The following MGAT4C variants were observed in gnomAD, a reference collection of about 807,000 sequenced individuals.
MGAT4C encodes MGAT4 family member C, also known as alpha-1,3-mannosyl-glycoprotein 4-beta-N-acetylglucosaminyltransferase C.
In MGAT4C, 19 loss-of-function variants were observed where a neutral mutation model predicts 40.1. That is an observed-to-expected ratio of 0.47 (90% confidence interval 0.33 to 0.70). The LOEUF (loss-of-function observed/expected upper bound fraction) is 0.70, where lower values mean the gene tolerates loss of function less well. Ranked by LOEUF, MGAT4C falls within the 30% of genes least tolerant of loss-of-function variation. The pLI is 0.02. For missense variants in MGAT4C, 491 were observed against 563.2 expected, an observed-to-expected ratio of 0.87 and a Z score of 1.30; for synonymous variants, 181 against 187.1, an observed-to-expected ratio of 0.97 and a Z score of 0.27.
At chr12:86,111,823 G>C (rs1220240154) in intron 1 of MGAT4C, among the ~76,000 whole-genome samples, 1 of 151,712 alleles carries the variant, frequency 6.6e-6, no homozygotes, top group Non-Finnish European at 1.5e-5. Context: ...TTCAATAAAA[G>C]ACAACCACAA....
At chr12:86,624,057 C>A (rs200340813) in intron 2 of MGAT4C, among the ~76,000 whole-genome samples, 1 of 152,134 alleles carries the variant, frequency 6.6e-6, no homozygotes, top group East Asian at 1.9e-4. Context: ...TCAGAGCTCA[C>A]TCAGGGTAAA....
intron 2 of MGAT4C, among the ~76,000 whole-genome samples, chr12:86,021,708 T>C (rs1034741765): frequency 2.0e-5 from 3 of 152,114 alleles, no homozygotes; most frequent in African/African-American, 7.2e-5. Flanking sequence ...CTGCACGTTG[T>C]GCACATGTAC....
intron 3 of MGAT4C, among the ~76,000 whole-genome samples, chr12:86,420,705 A>G (rs767771816): frequency 6.6e-6 from 1 of 151,646 alleles, no homozygotes; most frequent in Non-Finnish European, 1.5e-5. Context: ...ATTTAGAAAT[A>G]TATCCAGTTC....
chr12:86,509,390 T>G (rs1340881765), intron 2 of MGAT4C, among the ~76,000 whole-genome samples: 4 of 152,222 alleles, frequency 2.6e-5, no homozygotes, highest in Non-Finnish European at 5.9e-5. Flanking sequence ...GCATTATTTC[T>G]GAGAGCTCTG....
intron 3 of MGAT4C, among the ~76,000 whole-genome samples, chr12:86,402,341 C>T (rs1471221437): frequency 6.6e-6 from 1 of 152,106 alleles, no homozygotes; most frequent in African/African-American, 2.4e-5. Flanking sequence ...AGGATAATTA[C>T]TTGAACCCAG....
At chr12:86,379,613 T>G (rs573958826) in intron 3 of MGAT4C, among the ~76,000 whole-genome samples, 1 of 152,096 alleles carries the variant, frequency 6.6e-6, no homozygotes, top group Non-Finnish European at 1.5e-5. Context: ...ATTTGACCAG[T>G]GAATGAGCAA....
intron 1 of MGAT4C, among the ~76,000 whole-genome samples, chr12:86,817,417 T>C (rs1182659750): frequency 6.6e-6 from 1 of 151,606 alleles, no homozygotes; most frequent in African/African-American, 2.4e-5. Flanking sequence ...CTTGCTTTGT[T>C]TCCTCCTATT....
intron 4 of MGAT4C, among the ~76,000 whole-genome samples, chr12:86,311,929 T>C (rs1313534674): frequency 6.6e-6 from 1 of 152,098 alleles, no homozygotes; most frequent in East Asian, 1.9e-4. Context: ...GCATATACAT[T>C]ACAGGGACCA....
intron 2 of MGAT4C, among the ~76,000 whole-genome samples, chr12:86,708,242 C>T (rs936291473): frequency 6.6e-6 from 1 of 152,200 alleles, no homozygotes; most frequent in African/African-American, 2.4e-5. Context: ...ACAGCTTGGA[C>T]CACGGCTTCA....
chr12:86,430,414 A>G (rs1289881669), intron 3 of MGAT4C, among the ~76,000 whole-genome samples: 2 of 152,150 alleles, frequency 1.3e-5, no homozygotes, highest in Admixed American at 6.5e-5. Context: ...AGGGATACAC[A>G]TGCATTATTT....
At chr12:86,736,265 C>A (rs954213294) in intron 1 of MGAT4C, among the ~76,000 whole-genome samples, 1 of 151,672 alleles carries the variant, frequency 6.6e-6, no homozygotes, top group Non-Finnish European at 1.5e-5. Flanking sequence ...TATCCTAACA[C>A]CTCAATTTCA....
In MGAT4C at chr12:85,955,682, A is replaced by C. The variant is rs1882757029; in HGVS notation, c.*23607T>G. The stretch of plus-strand genomic sequence containing the variant: ...AAAGCAAATATTTATAAAAGAAACC[A>C]CAATGTATTTATGCTGTTTAGCCTT... On this transcript the variant is annotated 3_prime_UTR_variant, in exon 5 of 5. Transcript: ENST00000611864. 1 of 152,182 alleles carries C rather than the reference A, an allele frequency of 6.6e-6. No individual in the cohort carries two copies. The highest frequency in any genetic ancestry group is 1.5e-5 in the Non-Finnish European group (1 of 68,024). The allele number at this position is 152,182 out of a possible 1,614,324, so 9.4% of individuals were successfully genotyped here.
intron 1 of MGAT4C, among the ~76,000 whole-genome samples, chr12:86,052,866 C>T (rs1369002199): frequency 6.6e-6 from 1 of 151,940 alleles, no homozygotes; most frequent in African/African-American, 2.4e-5. Flanking sequence ...TGATCTGTCC[C>T]ATCTGGAAGA....
At chr12:86,464,091 T>G (rs1387970511) in intron 2 of MGAT4C, among the ~76,000 whole-genome samples, 3 of 152,104 alleles carry the variant, frequency 2.0e-5, no homozygotes, top group Non-Finnish European at 4.4e-5. Context: ...CAATCTAGTT[T>G]CTTCACAGGT....
intron 2 of MGAT4C, among the ~76,000 whole-genome samples, chr12:86,620,429 T>C (rs1962598735): frequency 6.6e-6 from 1 of 152,058 alleles, no homozygotes. Context: ...TGAATGGAAT[T>C]GGAGGCCATT....
Position 85,974,925 on chromosome 12 carries a change from T to C in MGAT4C, c.*4364A>G, listed in dbSNP as rs569742279. ...ATAGAAAAGATGCCAGAGAACCGGA[T>C]CCTGACATTAAAAAAAAAAAGTAAA... On this transcript the variant is annotated 3_prime_UTR_variant, in exon 5 of 5. Coordinates refer to ENST00000611864, the MANE Select transcript of MGAT4C (RefSeq NM_001351288.2). The C allele has an allele frequency of 1.3e-5, 2 of 149,938 alleles. No individual in the cohort carries two copies. The highest frequency in any genetic ancestry group is 4.9e-5 in the African/African-American group (2 of 41,172). The allele number at this position is 149,938 out of a possible 1,614,324, so 9.3% of individuals were successfully genotyped here. A position where few individuals can be genotyped will look rare whatever the true frequency, so the allele number is the denominator to read the frequency against.
At chr12:86,693,836 A>G (rs147352997) in intron 2 of MGAT4C, among the ~76,000 whole-genome samples, 1 of 152,294 alleles carries the variant, frequency 6.6e-6, no homozygotes, top group Non-Finnish European at 1.5e-5. Flanking sequence ...CATGTCTAGC[A>G]TACAATGCCT....
intron 3 of MGAT4C, among the ~76,000 whole-genome samples, chr12:86,399,321 C>T (rs907254974): frequency 2.7e-5 from 4 of 150,824 alleles, no homozygotes; most frequent in African/African-American, 9.8e-5. Flanking sequence ...CTTGCTCTAT[C>T]ACCCAGGCTG....
chr12:86,760,949 G>T (rs61949591), intron 1 of MGAT4C, among the ~76,000 whole-genome samples: 13,673 of 152,224 alleles, frequency 0.09, 807 homozygotes, highest in Middle Eastern at 0.23. Context: ...TTTGTAGGAA[G>T]AGATAACTCA....
Sources: allele counts gnomAD v4.1 joint callset (sites outside exome capture counted in the v4.1 genomes callset), GRCh38; gene constraint gnomAD v4.1.1; transcripts MANE v1.5; gene names NCBI Gene and HGNC (gene_info 2026-07-23, HGNC 2026-07-21).